CSNK1G2: variants seen among roughly 807,000 people sequenced by gnomAD.
The protein encoded by CSNK1G2 is casein kinase I isoform gamma-2.
In CSNK1G2, 11 loss-of-function variants were observed where a neutral mutation model predicts 48.0. The observed-to-expected ratio is 0.23, with a 90% CI of 0.14 to 0.38. The LOEUF (loss-of-function observed/expected upper bound fraction) is 0.38, where lower values mean the gene tolerates loss of function less well. Among genes scored for constraint, CSNK1G2 ranks in the 10% least tolerant of loss-of-function variants. The pLI, the probability that CSNK1G2 is intolerant of heterozygous loss-of-function variation, is 1.00. For missense variants in CSNK1G2, 446 were observed against 595.5 expected, an observed-to-expected ratio of 0.75 and a Z score of 2.61; for synonymous variants, 337 against 254.1, an observed-to-expected ratio of 1.33 and a Z score of -3.10.
chr19:1,941,970 T>G lies in CSNK1G2; in HGVS notation c.-266+552T>G, dbSNP rs189958803. 8.7e-3 allele frequency among the ~76,000 whole-genome samples: 1,307 copies of G among 150,504 alleles called. 50 individuals carry two copies. Among genetic ancestry groups the G allele is most frequent in the Admixed American group, 0.08 (1,216 of 15,140 alleles). On this transcript the variant is annotated intron_variant, in intron 1 of 11. Transcript: ENST00000255641. ...CCCCTGCCCACCTGGCCCCATCGCC[T>G]CCTCCTGTCTTGGCCTGGCCCCTCC... is the stretch of plus-strand genomic sequence containing the variant.
intron 2 of CSNK1G2, among the ~76,000 whole-genome samples, chr19:1,977,366 G>T (rs2015794514): frequency 6.6e-6 from 1 of 152,196 alleles, no homozygotes; most frequent in African/African-American, 2.4e-5. Context: ...GTGGGGCCGT[G>T]CCCCCTCCCA....
At chr19:1,947,512 C>G (rs1167593381) in intron 1 of CSNK1G2, among the ~76,000 whole-genome samples, 2 of 152,244 alleles carry the variant, frequency 1.3e-5, no homozygotes, top group Non-Finnish European at 2.9e-5. Flanking sequence ...TGCCCAGGCT[C>G]TGCCTGGGGA....
rs1037403237 is a variant in CSNK1G2 at position 1,969,530 on chromosome 19, C to T, written c.-243C>T. 9 of 339,602 alleles carry T rather than the reference C, an allele frequency of 2.7e-5. No individual in the cohort carries two copies. The highest frequency in any genetic ancestry group is 1.1e-5 in the Non-Finnish European group (2 of 188,654). 21.0% of individuals were successfully genotyped at this position (339,602 alleles called of 1,614,324 possible). A position where few individuals can be genotyped will look rare whatever the true frequency, so the allele number is the denominator to read the frequency against. On this transcript the variant is annotated 5_prime_UTR_variant, in exon 2 of 12. Coordinates refer to ENST00000255641, the MANE Select transcript of CSNK1G2 (RefSeq NM_001319.7). ...CAGCTGTGAGCCGTGAGCTTTGAGG[C>T]GGTGGGATGTGTCAGCAGAATGTCT... is the stretch of plus-strand genomic sequence containing the variant.
chr19:1,952,946 G>GAGTGGAGGGAAA, intron 1 of CSNK1G2: 1 of 438,720 alleles, frequency 2.3e-6, no homozygotes, highest in South Asian at 1.7e-5. Context: ...GCGGGATGTC[G>GAGTGGAGGGAAA]CCCGGCGGCT....
Position 1,978,403 on chromosome 19 carries a change from G to A in CSNK1G2, c.229-39G>A. Reference sequence around the variant, plus strand: ...CGTGCCCCCCAGGGATTTCAGGGCAGCGACCCGGTCCCCTGGTGACTCGCT... The same window carrying A: ...CGTGCCCCCCAGGGATTTCAGGGCAACGACCCGGTCCCCTGGTGACTCGCT... On this transcript the variant is annotated intron_variant, in intron 3 of 11. Coordinates refer to ENST00000255641, the MANE Select transcript of CSNK1G2 (RefSeq NM_001319.7). This position sits in a 1 kb window ranked among gnomAD's most constrained non-coding sequence, Gnocchi z 7.3. 1 of 1,612,090 alleles carries A rather than the reference G, an allele frequency of 6.2e-7. No individual in the cohort carries two copies. The highest frequency in any genetic ancestry group is 8.5e-7 in the Non-Finnish European group (1 of 1,179,390).
At chr19:1,973,770 T>C (rs943940208) in intron 2 of CSNK1G2, among the ~76,000 whole-genome samples, 2 of 152,248 alleles carry the variant, frequency 1.3e-5, no homozygotes, top group Non-Finnish European at 1.5e-5. Context: ...AGATTTCCCA[T>C]GTGCACATTC....
At chr19:1,962,456 C>T (rs916837663) in intron 1 of CSNK1G2, among the ~76,000 whole-genome samples, 11 of 150,984 alleles carry the variant, frequency 7.3e-5, no homozygotes, top group Non-Finnish European at 1.5e-4. Context: ...TGTTTGAGCC[C>T]AGGAGTTTGA....
At position 1,978,435 on chromosome 19, in the gene CSNK1G2, C is replaced by T. The variant is rs772257072; in HGVS notation, c.229-7C>T. ...GGTCCCCTGGTGACTCGCTCTTGTG[C>T]CCCCAGGAGCCGATCAAGTCCCGGG... On this transcript the variant is annotated splice_polypyrimidine_tract_variant and splice_region_variant and intron_variant, in intron 3 of 11. Transcript: ENST00000255641. This position sits in a 1 kb window ranked among gnomAD's most constrained non-coding sequence, Gnocchi z 7.3. 1.2e-6 allele frequency: 2 copies of T among 1,610,206 alleles called. No homozygotes were observed. The highest frequency in any genetic ancestry group is 1.7e-6 in the Non-Finnish European group (2 of 1,178,838).
chr19:1,960,671 T>C (rs1308316087), intron 1 of CSNK1G2, among the ~76,000 whole-genome samples: 1 of 152,128 alleles, frequency 6.6e-6, no homozygotes, highest in Non-Finnish European at 1.5e-5. Flanking sequence ...GTGGATCACT[T>C]GAAGTCGGGA....
chr19:1,947,193 A>G (rs1449378816), intron 1 of CSNK1G2, among the ~76,000 whole-genome samples: 2 of 151,428 alleles, frequency 1.3e-5, no homozygotes, highest in African/African-American at 2.4e-5. Flanking sequence ...GGAAACTTCC[A>G]CCCTCCAGAG....
chr19:1,964,590 G>A (rs980734896), intron 1 of CSNK1G2, among the ~76,000 whole-genome samples: 5 of 152,110 alleles, frequency 3.3e-5, no homozygotes, highest in Non-Finnish European at 5.9e-5. Flanking sequence ...TAGGGCCCAC[G>A]AGAATTATGC....
intron 1 of CSNK1G2, among the ~76,000 whole-genome samples, chr19:1,949,282 G>T (rs1172584598): frequency 6.6e-6 from 1 of 152,128 alleles, no homozygotes; most frequent in Non-Finnish European, 1.5e-5. Flanking sequence ...AAATTGAGAC[G>T]CTGTCTTCGT....
intron 2 of CSNK1G2, chr19:1,976,246 C>A: frequency 1.8e-6 from 1 of 549,374 alleles, no homozygotes; most frequent in Non-Finnish European, 2.9e-6. Flanking sequence ...GTTCTGAAAA[C>A]GCGGGGACCA....
intron 2 of CSNK1G2, chr19:1,975,607 A>T: frequency 1.0e-6 from 1 of 985,396 alleles, no homozygotes; most frequent in Non-Finnish European, 1.2e-6. Flanking sequence ...GGGGGGATGA[A>T]TCCACTGTGA....
chr19:1,958,667 C>A (rs1321504324), intron 1 of CSNK1G2, among the ~76,000 whole-genome samples: 1 of 71,736 alleles, frequency 1.4e-5, no homozygotes, highest in East Asian at 5.6e-4. Flanking sequence ...GTCCCCTCGT[C>A]CCCCCATCCA....
intron 1 of CSNK1G2, among the ~76,000 whole-genome samples, chr19:1,965,200 A>G (rs569731180): frequency 6.0e-5 from 9 of 149,600 alleles, no homozygotes; most frequent in Non-Finnish European, 1.0e-4. Context: ...TCGAGACCAC[A>G]GTGAAACCGC....
Position 1,954,041 on chromosome 19 carries a change from G to T in CSNK1G2, c.-266+12623G>T, listed in dbSNP as rs530941257. On this transcript the variant is annotated intron_variant, in intron 1 of 11. Transcript: ENST00000255641. ...CGAGGACCGGCCCTGCCCATCCCTG[G>T]CGTTCACTCCTCAGCTTCCTCCCAT... 1.4e-4 allele frequency: 73 copies of T among 527,116 alleles called. No homozygotes were observed. In the Admixed American group the frequency reaches 1.4e-3, roughly 10 times the overall value. The allele number at this position is 527,116 out of a possible 1,614,324, so 32.7% of individuals were successfully genotyped here.
rs1281435699 is a variant in CSNK1G2 at position 1,941,395 on chromosome 19, G to T, written c.-289G>T. The T allele has an allele frequency of 6.7e-6, 1 of 148,740 alleles. No homozygotes were observed. The allele number at this position is 148,740 out of a possible 1,614,324, so 9.2% of individuals were successfully genotyped here. A position where few individuals can be genotyped will look rare whatever the true frequency, so the allele number is the denominator to read the frequency against. ...GGCCGGCCGCCCAGACGCTGCCCGC[G>T]GGCCCGGCCACGGCGGAGCCAAGGT... On this transcript the variant is annotated 5_prime_UTR_variant, in exon 1 of 12. Coordinates refer to ENST00000255641, the MANE Select transcript of CSNK1G2 (RefSeq NM_001319.7).
In CSNK1G2 at chr19:1,954,120, C is replaced by T. The variant is rs200146397; in HGVS notation, c.-266+12702C>T. Reference sequence around the variant, plus strand: ...ATTTGTGGGGTGTTTCTCTTTTGCACCTGATGCGTTAAACCCATTACCGGC... The same window carrying T: ...ATTTGTGGGGTGTTTCTCTTTTGCATCTGATGCGTTAAACCCATTACCGGC... On this transcript the variant is annotated intron_variant, in intron 1 of 11. Coordinates refer to ENST00000255641, the MANE Select transcript of CSNK1G2 (RefSeq NM_001319.7). The T allele has an allele frequency of 8.1e-4, 326 of 403,968 alleles. 4 individuals carry two copies. The Middle Eastern group carries it at 0.021, about 26-fold the overall frequency. 25.0% of individuals were successfully genotyped at this position (403,968 alleles called of 1,614,324 possible).
Sources: allele counts gnomAD v4.1 joint callset (sites outside exome capture counted in the v4.1 genomes callset), GRCh38; gene constraint gnomAD v4.1.1; non-coding constraint Gnocchi (gnomAD v3.1); transcripts MANE v1.5; gene names NCBI Gene and HGNC (gene_info 2026-07-23, HGNC 2026-07-21).